Variants in DST observed in about 807,000 individuals in gnomAD.
DST encodes the protein bullous pemphigoid antigen.
A neutral mutation model predicts 875.2 loss-of-function variants in DST; 253 were observed. The observed-to-expected ratio is 0.29, with a 90% CI of 0.26 to 0.32. DST has a LOEUF of 0.32. DST is among the 10% of genes least tolerant of loss of function. The pLI, the probability that DST is intolerant of heterozygous loss-of-function variation, is 1.00. For missense variants in DST, 8,287 were observed against 9,111.6 expected (o/e 0.91, Z 3.68); for synonymous variants, 3,124 against 3,197.1 (o/e 0.98, Z 0.77).
At chr6:56,526,630 T>C (rs1042135308) in intron 68 of DST, 63 bp from the exon 69 acceptor site, 1 of 1,476,716 alleles carries the variant, frequency 6.8e-7, no homozygotes. Flanking sequence ...CTTTAACTGT[T>C]CTTGGAGCTC....
Position 56,572,274 on chromosome 6 carries a change from G to T in DST, c.13555-8C>A. 1 of 1,536,670 alleles carries T rather than the reference G, an allele frequency of 6.5e-7. No homozygotes were observed. The highest frequency in any genetic ancestry group is 8.8e-7 in the Non-Finnish European group (1 of 1,138,444). ...AAATTCAGAAGTTGATTCCTACAAA[G>T]CATTAAGATATTCAGTCAATATAAA... is the stretch of plus-strand genomic sequence containing the variant. On this transcript the variant is annotated splice_polypyrimidine_tract_variant and splice_region_variant and intron_variant, in intron 52 of 103. Coordinates refer to ENST00000680361, the MANE Select transcript of DST (RefSeq NM_001374736.1).
chr6:56,847,959 G>A (rs1047197771), intron 4 of DST, among the ~76,000 whole-genome samples: 2 of 152,126 alleles, frequency 1.3e-5, no homozygotes, highest in East Asian at 1.9e-4. Context: ...TGCATAGAAT[G>A]TGTAACGATC....
chr6:56,617,299 G>T (rs779565939), intron 36 of DST: 3 of 1,613,574 alleles, frequency 1.9e-6, no homozygotes, highest in Non-Finnish European at 2.5e-6. Flanking sequence ...CCCCTTTCTT[G>T]AGTCCACCAG....
intron 58 of DST, 59 bp downstream of exon 58, chr6:56,560,235 A>G (rs2152565413): frequency 1.4e-6 from 2 of 1,434,652 alleles, no homozygotes; most frequent in Non-Finnish European, 1.9e-6. Flanking sequence ...AGATCATGAT[A>G]AACATGAAAA....
chr6:56,941,580 T>G (rs1260350864), intron 2 of DST, among the ~76,000 whole-genome samples: 2 of 152,204 alleles, frequency 1.3e-5, no homozygotes, highest in Non-Finnish European at 2.9e-5. Flanking sequence ...CCACTTAGAC[T>G]TAATCAATCA....
chr6:56,695,218 A>G (rs1237960589), intron 9 of DST, among the ~76,000 whole-genome samples: 1 of 151,458 alleles, frequency 6.6e-6, no homozygotes, highest in East Asian at 1.9e-4. Context: ...TTACCATGTG[A>G]CAATCCTGCT....
Position 56,629,433 on chromosome 6 carries a change from G to T in DST, c.4292C>A (p.Ser1431Tyr). 6.2e-7 allele frequency: 1 copy of T among 1,612,064 alleles called. No individual in the cohort carries two copies. ...TACCTGTCTCTTTTCATCTACTTCA[G>T]ATCTCCATTGCTAAAATACATTAAT... ...NLISTLKQWR[S>Y]EVDEKRQVFH... Residue 1431 changes from serine (S) to tyrosine (Y), a missense_variant, in exon 32 of 104, where the codon TCT (serine) becomes TAT (tyrosine). Around this residue, in one of 10 missense-constraint regions of DST, gnomAD observed 3,138 missense variants for 3,116.6 expected, o/e 1.01. Coordinates refer to ENST00000680361, the MANE Select transcript of DST (RefSeq NM_001374736.1).
At chr6:56,699,572 C>A in intron 9 of DST, 81 bp downstream of exon 9, 1 of 649,506 alleles carries the variant, frequency 1.5e-6, no homozygotes, top group East Asian at 3.1e-5. Context: ...TTCCATAGAA[C>A]ATGAATGCAT....
intron 55 of DST, among the ~76,000 whole-genome samples, chr6:56,564,811 C>T (rs560613157): frequency 6.6e-6 from 1 of 152,300 alleles, no homozygotes; most frequent in African/African-American, 2.4e-5. Flanking sequence ...GCCTTTTCTG[C>T]ATCTATTGAG....
intron 4 of DST, among the ~76,000 whole-genome samples, chr6:56,767,725 T>C (rs1034576449): frequency 1.3e-5 from 2 of 151,894 alleles, no homozygotes; most frequent in African/African-American, 4.8e-5. Context: ...TAAGAGAAAT[T>C]GAGGGTGTGG....
Position 56,608,650 on chromosome 6 carries a change from G to T in DST, c.5978C>A (p.Ser1993Tyr). Residue 1993 changes from serine to tyrosine, a missense_variant, in exon 40 of 104, where the codon TCT (serine) becomes TAT (tyrosine). Around this residue, in one of 10 missense-constraint regions of DST, gnomAD observed 3,138 missense variants for 3,116.6 expected, o/e 1.01. Transcript: ENST00000680361. ...MFRLLSAQLLSGGLINSNSGQ... is the reference protein window; with the variant it reads ...MFRLLSAQLLYGGLINSNSGQ... ...AGAGTTGGAATTGATCAGACCTCCAGAAAGAAGCTGTGCACTTAACAACCT... is the reference window on the plus strand; with the variant it reads ...AGAGTTGGAATTGATCAGACCTCCATAAAGAAGCTGTGCACTTAACAACCT... 6.2e-7 allele frequency: 1 copy of T among 1,613,160 alleles called. No individual in the cohort carries two copies. The highest frequency in any genetic ancestry group is 1.3e-5 in the African/African-American group (1 of 75,038).
chr6:56,771,739 A>C (rs1269507375), intron 4 of DST, among the ~76,000 whole-genome samples: 1 of 152,238 alleles, frequency 6.6e-6, no homozygotes, highest in Non-Finnish European at 1.5e-5. Context: ...AATCATTAAC[A>C]GTTTTTGGCT....
At chr6:56,907,750 T>C (rs1210427355) in intron 2 of DST, among the ~76,000 whole-genome samples, 1 of 151,834 alleles carries the variant, frequency 6.6e-6, no homozygotes, top group Non-Finnish European at 1.5e-5. Flanking sequence ...GAGGCAGAAA[T>C]TGGAAAAAAA....
chr6:56,605,606 GT>G lies in DST; in HGVS notation c.9021del (p.Lys3007AsnfsTer10). 3 of 1,613,004 alleles carry G rather than the reference GT, an allele frequency of 1.9e-6. No homozygotes were observed. Among genetic ancestry groups the G allele is most frequent in the Non-Finnish European group, 2.5e-6 (3 of 1,179,328 alleles). On this transcript the variant is annotated frameshift_variant, in exon 40 of 104. Coordinates refer to ENST00000680361, the MANE Select transcript of DST (RefSeq NM_001374736.1). LOFTEE classifies it high-confidence loss of function. ...AATGACAAATGGCTTTCCTCAGCAGGTTTTCCTATTAAATCAGGCTCAGTAC... is the reference window on the plus strand; with the variant it reads ...AATGACAAATGGCTTTCCTCAGCAGGTTTCCTATTAAATCAGGCTCAGTAC... Reference protein sequence around the residue: ...IICTEPDLIGKPAEESHLSLI... With the variant: ...IICTEPDLIGXPAEESHLSLI...
Position 56,620,737 on chromosome 6 carries a change from T to C in DST, c.4929+3793A>G, listed in dbSNP as rs376743028. 3 of 1,592,066 alleles carry C rather than the reference T, an allele frequency of 1.9e-6. No individual in the cohort carries two copies. In the Admixed American group the frequency reaches 5.0e-5, roughly 27 times the overall value. On this transcript the variant is annotated intron_variant, in intron 36 of 103. Transcript: ENST00000680361. ...TAATCTACAAAAGACATTTTGAAAG[T>C]GTCAAGCCTGTTCTGTTCAAAATAT...
chr6:56,557,110 GC>G (rs2097435235), intron 59 of DST, among the ~76,000 whole-genome samples: 2 of 152,238 alleles, frequency 1.3e-5, no homozygotes, highest in African/African-American at 4.8e-5. Context: ...TTCAAAGGAG[GC>G]CTCTAAGATG....
chr6:56,735,212 C>T lies in DST; in HGVS notation c.687+16G>A, dbSNP rs369402307. The T allele has an allele frequency of 2.4e-4, 362 of 1,516,126 alleles. No homozygotes were observed. Among genetic ancestry groups the T allele is most frequent in the Non-Finnish European group, 3.0e-4 (339 of 1,115,516 alleles). 93.9% of individuals were successfully genotyped at this position (1,516,126 alleles called of 1,614,324 possible). On this transcript the variant is annotated intron_variant, in intron 5 of 103. Coordinates refer to ENST00000680361, the MANE Select transcript of DST (RefSeq NM_001374736.1). ...ATTCCAAACAATTCCAGGAAGTGAACGAAATAAAAACTGACCTTCATGAGA... is the reference window on the plus strand; with the variant it reads ...ATTCCAAACAATTCCAGGAAGTGAATGAAATAAAAACTGACCTTCATGAGA...
At chr6:56,689,000 G>A (rs1232354525) in intron 9 of DST, among the ~76,000 whole-genome samples, 1 of 152,116 alleles carries the variant, frequency 6.6e-6, no homozygotes, top group African/African-American at 2.4e-5. Context: ...AATTGCCTCA[G>A]GTAACAGTTC....
At chr6:56,750,873 G>A (rs1010914019) in intron 4 of DST, among the ~76,000 whole-genome samples, 3 of 152,140 alleles carry the variant, frequency 2.0e-5, no homozygotes, top group Non-Finnish European at 2.9e-5. Context: ...TGTTCATAAT[G>A]TTTTGTGTTC....
Sources: allele counts gnomAD v4.1 joint callset (sites outside exome capture counted in the v4.1 genomes callset), GRCh38; gene constraint gnomAD v4.1.1; regional missense constraint gnomAD v4.1.1; transcripts MANE v1.5; gene names NCBI Gene and HGNC (gene_info 2026-07-23, HGNC 2026-07-21).